Variants in DNAH12 observed in about 807,000 individuals in gnomAD.
DNAH12 encodes dynein axonemal heavy chain 12, also known as axonemal beta dynein heavy chain 12.
DNAH12 carries 285 observed loss-of-function variants against 371.5 expected under a neutral mutation model. The observed-to-expected ratio is 0.77, with a 90% CI of 0.70 to 0.85. The LOEUF (loss-of-function observed/expected upper bound fraction) is 0.85. Ranked by LOEUF, DNAH12 falls within the 40% of genes least tolerant of loss-of-function variation. The pLI, the probability that DNAH12 is intolerant of heterozygous loss-of-function variation, is 0.00. For missense variants in DNAH12, 3,611 were observed against 3,689.4 expected (o/e 0.98, Z 0.55); for synonymous variants, 1,200 against 1,213.0 (o/e 0.99, Z 0.22).
At chr3:57,550,317 AAAAACAAAAC>A in the DNAH12 span, among the ~76,000 whole-genome samples, 2 of 152,142 alleles carry the variant, frequency 1.3e-5, no homozygotes, top group Non-Finnish European at 2.9e-5. Context: ...CCCTGCTTTT[AAAAACAAAAC>A]AAAACAAAAC....
At chr3:57,326,204 G>C (rs1255525430) in intron 62 of DNAH12, among the ~76,000 whole-genome samples, 2 of 151,664 alleles carry the variant, frequency 1.3e-5, no homozygotes, top group African/African-American at 2.4e-5. Flanking sequence ...AGGAAATACA[G>C]AGAATGCCAC....
At position 57,293,749 on chromosome 3, in the gene DNAH12, A is replaced by T. The variant is rs767930836; in HGVS notation, c.*32T>A. On this transcript the variant is annotated 3_prime_UTR_variant, in exon 74 of 74. Transcript: ENST00000495027. The stretch of plus-strand genomic sequence containing the variant: ...AAGTAGGACAGGTTTTTTTTTTTTT[A>T]AACTTTTGGATGTTTTATAAATTTG... 83 of 1,493,628 alleles carry T rather than the reference A, an allele frequency of 5.6e-5. No individual in the cohort carries two copies. Among genetic ancestry groups the T allele is most frequent in the African/African-American group, 2.6e-4 (18 of 69,612 alleles). The allele number at this position is 1,493,628 out of a possible 1,614,324, so 92.5% of individuals were successfully genotyped here.
chr3:57,321,118 T>C (rs778882009), intron 65 of DNAH12, among the ~76,000 whole-genome samples: 1 of 152,176 alleles, frequency 6.6e-6, no homozygotes, highest in African/African-American at 2.4e-5. Context: ...TTAGAATCTT[T>C]CAAAATTTCC....
intron 4 of DNAH12, 26 bp downstream of exon 4, chr3:57,523,557 C>A: frequency 6.4e-7 from 1 of 1,565,300 alleles, no homozygotes; most frequent in South Asian, 1.2e-5. Context: ...CATTTTCAAA[C>A]AAGAAATATA....
intron 37 of DNAH12, among the ~76,000 whole-genome samples, chr3:57,418,525 G>C (rs1559637024): frequency 6.7e-6 from 1 of 148,726 alleles, no homozygotes; most frequent in Admixed American, 6.7e-5. Flanking sequence ...GGGTGACAGA[G>C]TGAGACCCTG....
chr3:57,456,082 C>T (rs952214092), intron 22 of DNAH12, among the ~76,000 whole-genome samples: 13 of 152,048 alleles, frequency 8.5e-5, no homozygotes, highest in Admixed American at 2.0e-4. Context: ...CAAATGCAAA[C>T]GATAAGCTAA....
intron 60 of DNAH12, among the ~76,000 whole-genome samples, chr3:57,342,806 T>G (rs1399991396): frequency 1.3e-5 from 2 of 151,378 alleles, no homozygotes; most frequent in South Asian, 2.1e-4. Context: ...AGCATGATGG[T>G]TCATGCATGT....
intron 45 of DNAH12, among the ~76,000 whole-genome samples, chr3:57,389,663 T>TC: frequency 6.6e-6 from 1 of 151,242 alleles, no homozygotes; most frequent in South Asian, 2.1e-4. Context: ...ATACTTTTTT[T>TC]CCCCAAAGCT....
intron 13 of DNAH12, among the ~76,000 whole-genome samples, chr3:57,475,072 T>A (rs189817754): frequency 6.6e-6 from 1 of 152,214 alleles, no homozygotes; most frequent in Admixed American, 6.5e-5. Flanking sequence ...AATATGTATT[T>A]GCTCATCTAT....
At chr3:57,498,631 T>A in intron 11 of DNAH12, 2 of 707,358 alleles carry the variant, frequency 2.8e-6, no homozygotes, top group East Asian at 2.7e-5. Flanking sequence ...ACTGGAAACA[T>A]CTCAAATATC....
intron 37 of DNAH12, among the ~76,000 whole-genome samples, chr3:57,417,911 G>A (rs1430991070): frequency 6.6e-6 from 1 of 152,174 alleles, no homozygotes. Context: ...AGCACTTTGG[G>A]AGGCCAAGGT....
At chr3:57,393,625 C>CAAAAAAAAAAAAAAAAAA (rs1180952196) in intron 44 of DNAH12, among the ~76,000 whole-genome samples, 1 of 64,274 alleles carries the variant, frequency 1.6e-5, no homozygotes, top group Admixed American at 2.2e-4. Flanking sequence ...GACTCTGTCT[C>CAAAAAAAAAAAAAAAAAA]AAAAAAAAAA....
intron 62 of DNAH12, among the ~76,000 whole-genome samples, chr3:57,324,941 C>T (rs956494330): frequency 6.6e-6 from 1 of 152,234 alleles, no homozygotes; most frequent in Non-Finnish European, 1.5e-5. Flanking sequence ...CTCAGAGGGT[C>T]CTACGCCCAT....
At chr3:57,330,781 C>G (rs9990363) in intron 62 of DNAH12, among the ~76,000 whole-genome samples, 33,521 of 151,332 alleles carry the variant, frequency 0.22, 4,357 homozygotes, top group South Asian at 0.4. Flanking sequence ...TGCCAGCAAA[C>G]TGCCTTTGGA....
chr3:57,524,121 C>T (rs758917731), intron 2 of DNAH12, among the ~76,000 whole-genome samples: 1 of 152,030 alleles, frequency 6.6e-6, no homozygotes, highest in African/African-American at 2.4e-5. Context: ...TCAAGTATAA[C>T]TTACTGACCA....
rs746107841 is a variant in DNAH12 at position 57,293,886 on chromosome 3, C to T, written c.11778G>A (p.Thr3926=). ...CAATGACAAAGTTAGTAGAATGTCCCGTAGTGGAAAGAGTTCCTTTACGTT... is the reference window on the plus strand; with the variant it reads ...CAATGACAAAGTTAGTAGAATGTCCTGTAGTGGAAAGAGTTCCTTTACGTT... ...TSERKGTLST[T]GHSTNFVIAM... The change falls in exon 74 of 74, where the codon ACG becomes ACA. Residue 3926 remains threonine, a synonymous_variant. Coordinates refer to ENST00000495027, the MANE Select transcript of DNAH12 (RefSeq NM_001366028.2). The T allele has an allele frequency of 9.7e-6, 15 of 1,545,746 alleles. No homozygotes were observed. The highest frequency in any genetic ancestry group is 1.4e-5 in the African/African-American group (1 of 72,306).
intron 13 of DNAH12, among the ~76,000 whole-genome samples, chr3:57,481,884 C>G (rs112288214): frequency 0.67 from 101,396 of 151,850 alleles, 34,099 homozygotes; most frequent in South Asian, 0.75. Context: ...CAAGCTGAAA[C>G]TGGATCCCTT....
Position 57,461,499 on chromosome 3 carries a change from T to G in DNAH12, c.2726A>C (p.His909Pro). The part of the protein sequence containing the change: ...RGSPFIKPFE[H>P]EIKAWEDRLI... ...TCACATTTAACATACCTTGATCTCA[T>G]GTTCAAATGGTTTGATGAAAGGTGA... is the stretch of plus-strand genomic sequence containing the variant. Residue 909 changes from histidine to proline, a missense_variant, in exon 19 of 74, where the codon CAT becomes CCT. Coordinates refer to ENST00000495027, the MANE Select transcript of DNAH12 (RefSeq NM_001366028.2). The G allele has an allele frequency of 1.3e-6, 2 of 1,551,308 alleles. No homozygotes were observed. Among genetic ancestry groups the G allele is most frequent in the Non-Finnish European group, 8.7e-7 (1 of 1,146,792 alleles).
intron 2 of DNAH12, chr3:57,530,958 G>A (rs1337419772): frequency 1.9e-5 from 3 of 155,680 alleles, no homozygotes; most frequent in Non-Finnish European, 2.9e-5. Flanking sequence ...CAGTTGTCAC[G>A]AGAGCCCATT....
Sources: gnomAD v4.1 joint callset for allele counts (sites outside exome capture counted in the v4.1 genomes callset) on GRCh38, gnomAD v4.1.1 for gene constraint, MANE v1.5 for transcripts, NCBI Gene and HGNC (gene_info 2026-07-23, HGNC 2026-07-21) for gene names.